Variants in VPS13B observed in about 807,000 individuals in gnomAD.
VPS13B encodes the protein intermembrane lipid transfer protein VPS13B.
A neutral mutation model predicts 426.4 loss-of-function variants in VPS13B; 285 were observed. That is an observed-to-expected ratio of 0.67 (90% confidence interval 0.61 to 0.74). The LOEUF (loss-of-function observed/expected upper bound fraction) is 0.74, where lower values mean the gene tolerates loss of function less well. Ranked by LOEUF, VPS13B falls within the 30% of genes least tolerant of loss-of-function variation. The pLI is 0.00. For synonymous variants in VPS13B, 1,676 were observed against 1,676.4 expected (o/e 1.00, Z 0.01); for missense variants, 4,537 against 4,782.6 (o/e 0.95, Z 1.51).
At position 99,687,703 on chromosome 8, in the gene VPS13B, C is replaced by T. The variant is rs118046132; in HGVS notation, c.6047-11822C>T. Among the ~76,000 whole-genome samples the T allele has an allele frequency of 8.6e-4, 131 of 152,166 alleles. 2 individuals carry two copies. In the East Asian group the frequency reaches 0.024, roughly 28 times the overall value. Reference sequence around the variant, plus strand: ...TCTCTGTGCCACACAGCCACCCTTGCGGAGATGGAATAGGGTTGGCATCCA... The same window carrying T: ...TCTCTGTGCCACACAGCCACCCTTGTGGAGATGGAATAGGGTTGGCATCCA... On this transcript the variant is annotated intron_variant, in intron 35 of 61. Transcript: ENST00000357162.
chr8:99,041,456 A>G (rs1842958021), intron 3 of VPS13B, among the ~76,000 whole-genome samples: 1 of 152,120 alleles, frequency 6.6e-6, no homozygotes, highest in African/African-American at 2.4e-5. Flanking sequence ...CTCCTTTTTC[A>G]TATTCTTTTT....
intron 24 of VPS13B, among the ~76,000 whole-genome samples, chr8:99,475,996 G>A (rs1361629397): frequency 6.6e-6 from 1 of 152,186 alleles, no homozygotes; most frequent in Non-Finnish European, 1.5e-5. Context: ...GTGTTAAACT[G>A]TCACCACCTG....
intron 2 of VPS13B, among the ~76,000 whole-genome samples, chr8:99,026,270 C>T (rs1181691652): frequency 1.3e-5 from 2 of 152,118 alleles, no homozygotes; most frequent in Non-Finnish European, 2.9e-5. Context: ...TGTTCAAGAA[C>T]ATGCTGTTTA....
rs190822651 is a variant in VPS13B, at chr8:99,702,313, T to C, written c.6454+2381T>C. ...AGTTTGAATCTAATACAGAAATACT[T>C]AACTGTGTCTTTGATTTTACAGTTT... On this transcript the variant is annotated intron_variant, in intron 36 of 61. Transcript: ENST00000357162. Among the ~76,000 whole-genome samples the C allele has an allele frequency of 2.6e-5, 4 of 152,296 alleles. No individual in the cohort carries two copies. In the East Asian group the frequency reaches 7.7e-4, roughly 29 times the overall value.
intron 31 of VPS13B, among the ~76,000 whole-genome samples, chr8:99,574,112 T>G (rs979097086): frequency 8.5e-5 from 13 of 152,188 alleles, no homozygotes; most frequent in Non-Finnish European, 1.3e-4. Flanking sequence ...GTCTGTTATT[T>G]GTGGATAAGA....
chr8:99,051,320 G>C (rs1843540154), intron 3 of VPS13B, among the ~76,000 whole-genome samples: 2 of 152,310 alleles, frequency 1.3e-5, no homozygotes, highest in South Asian at 4.1e-4. Context: ...TGTCAGGTCT[G>C]TCAAAGGTCA....
rs374950919 is a variant in VPS13B, at chr8:99,396,057, G to A, written c.3082+4353G>A. The stretch of plus-strand genomic sequence containing the variant: ...GAAACATGCCAAAATGAAGCACAAA[G>A]AGAATAAAGGAAAATAAATGTACAG... On this transcript the variant is annotated intron_variant, in intron 21 of 61. Transcript: ENST00000357162. Among the ~76,000 whole-genome samples, 6 of 152,102 alleles carry A rather than the reference G, an allele frequency of 3.9e-5. No homozygotes were observed. In the East Asian group the frequency reaches 1.2e-3, roughly 29 times the overall value.
chr8:99,278,258 C>G (rs957796384), intron 19 of VPS13B, among the ~76,000 whole-genome samples: 1 of 151,956 alleles, frequency 6.6e-6, no homozygotes, highest in African/African-American at 2.4e-5. Flanking sequence ...GCAGATGTTA[C>G]GTAAAAGTCA....
intron 52 of VPS13B, among the ~76,000 whole-genome samples, chr8:99,833,309 C>T (rs1027728185): frequency 1.3e-5 from 2 of 152,176 alleles, no homozygotes; most frequent in African/African-American, 4.8e-5. Context: ...TAAAATGTCC[C>T]TTCTGCAGCT....
In VPS13B at chr8:99,634,104, A is replaced by G. The variant is rs922202815; in HGVS notation, c.5221-7707A>G. 3.9e-5 allele frequency among the ~76,000 whole-genome samples: 6 copies of G among 151,972 alleles called. No individual in the cohort carries two copies. In the South Asian group the frequency reaches 1.2e-3, roughly 31 times the overall value. ...AAATAAGCTTATGCTGTGAAATCAT[A>G]TATGTATAAAGGGACAAACACACAC... On this transcript the variant is annotated intron_variant, in intron 33 of 61. Transcript: ENST00000357162.
intron 30 of VPS13B, among the ~76,000 whole-genome samples, chr8:99,555,941 A>G (rs1439784257): frequency 6.6e-6 from 1 of 152,152 alleles, no homozygotes; most frequent in African/African-American, 2.4e-5. Flanking sequence ...AGGCTCCATT[A>G]CCTTTCCTAA....
chr8:99,756,935 G>A (rs751515032), intron 39 of VPS13B, among the ~76,000 whole-genome samples: 9 of 152,118 alleles, frequency 5.9e-5, no homozygotes, highest in African/African-American at 2.2e-4. Context: ...GTGTAATCTT[G>A]AGCAGGTTAC....
rs1335340440 is a variant in VPS13B, at chr8:99,360,168, TTCTTTCTTTCTTTCTTTCTTTC to T, written c.2825-24036_2825-24015del. On this transcript the variant is annotated intron_variant, in intron 19 of 61. Transcript: ENST00000357162. ...TTTCTTTCTTTCTTTCTTTCTTTCT[TTCTTTCTTTCTTTCTTTCTTTC>T]TCTCTCTCTCTCTCTCTCTCTTTCT... Among the ~76,000 whole-genome samples the T allele has an allele frequency of 5.7e-3, 234 of 40,838 alleles. 3 individuals are homozygous for T. Among genetic ancestry groups the T allele is most frequent in the African/African-American group, 8.1e-3 (71 of 8,742 alleles). The allele number at this position is 40,838 out of a possible 152,430, so 26.8% of individuals were successfully genotyped here.
At chr8:99,022,838 C>T (rs1047307537) in intron 2 of VPS13B, among the ~76,000 whole-genome samples, 2 of 151,976 alleles carry the variant, frequency 1.3e-5, no homozygotes, top group African/African-American at 2.4e-5. Context: ...GTTTAATATA[C>T]TTGAAAAAAA....
chr8:99,735,601 C>T (rs998635527), intron 39 of VPS13B, among the ~76,000 whole-genome samples: 1 of 152,166 alleles, frequency 6.6e-6, no homozygotes, highest in African/African-American at 2.4e-5. Flanking sequence ...CTACTGACAC[C>T]TCAGTTTCAG....
At chr8:99,443,855 G>A (rs373985160) in intron 23 of VPS13B, among the ~76,000 whole-genome samples, 12 of 152,008 alleles carry the variant, frequency 7.9e-5, no homozygotes, top group Admixed American at 2.0e-4. Context: ...TTGTTGTGTC[G>A]TATAGTAACT....
At chr8:99,191,532 T>A (rs1177872843) in intron 16 of VPS13B, among the ~76,000 whole-genome samples, 3 of 151,644 alleles carry the variant, frequency 2.0e-5, no homozygotes, top group African/African-American at 7.3e-5. Context: ...TACAGGCACA[T>A]GCCACCACGC....
chr8:99,506,309 A>T (rs980599318), intron 27 of VPS13B, among the ~76,000 whole-genome samples: 2 of 152,198 alleles, frequency 1.3e-5, no homozygotes, highest in African/African-American at 4.8e-5. Context: ...TAGAATGTTC[A>T]ACTCTTTAGT....
rs752899531 is a variant in VPS13B, at chr8:99,766,921, CT to C, written c.7201del (p.Trp2401GlyfsTer5). ...CCAGAAGAAATTAGTATCTTCAGAT[CT>C]TTGGAGAATTGTCTTGAACAGCAGT... The part of the protein sequence containing the change: ...NDQKKLVSSD[L>X]WRIVLNSSQN... On this transcript the variant is annotated frameshift_variant, in exon 40 of 62. Coordinates refer to ENST00000357162, the MANE Select transcript of VPS13B (RefSeq NM_152564.5). LOFTEE classifies it high-confidence loss of function. 6.2e-7 allele frequency: 1 copy of C among 1,613,926 alleles called. No individual in the cohort carries two copies. Among genetic ancestry groups the C allele is most frequent in the Non-Finnish European group, 8.5e-7 (1 of 1,179,926 alleles).
Sources: gnomAD v4.1 joint callset for allele counts (sites outside exome capture counted in the v4.1 genomes callset) on GRCh38, gnomAD v4.1.1 for gene constraint, MANE v1.5 for transcripts, NCBI Gene and HGNC (gene_info 2026-07-23, HGNC 2026-07-21) for gene names.